Variants in CPB2 observed in about 807,000 individuals in gnomAD.
CPB2 encodes carboxypeptidase B-like protein.
Under a neutral mutation model 57.0 loss-of-function variants are expected in CPB2, and 54 were observed. The observed-to-expected ratio is 0.95, with a 90% CI of 0.76 to 1.19. The LOEUF is 1.19. Among genes scored for constraint, CPB2 ranks in the 50% most tolerant of loss-of-function variants. The pLI, the probability that CPB2 is intolerant of heterozygous loss-of-function variation, is 0.00. For missense variants in CPB2, 426 were observed against 512.0 expected (o/e 0.83, Z 1.62); for synonymous variants, 189 against 178.1 (o/e 1.06, Z -0.49).
Position 46,073,894 on chromosome 13 carries a change from G to A in CPB2, c.570C>T (p.Phe190=). 6.4e-7 allele frequency: 1 copy of A among 1,570,860 alleles called. No homozygotes were observed. Among genetic ancestry groups the A allele is most frequent in the Non-Finnish European group, 8.7e-7 (1 of 1,147,620 alleles). Residue 190 remains phenylalanine (F), a synonymous_variant, in exon 6 of 11, where the codon TTC becomes TTT. Coordinates refer to ENST00000181383, the MANE Select transcript of CPB2 (RefSeq NM_001872.5). ...IHAREWISPA[F]CLWFIGHITQ... ...TTACATGGCCTATGAACCACAAGCA[G>A]AAAGCAGGAGAGATCCATTCTCTGG...
intron 9 of CPB2, among the ~76,000 whole-genome samples, chr13:46,057,844 C>A (rs971460014): frequency 6.6e-6 from 1 of 152,218 alleles, no homozygotes; most frequent in Non-Finnish European, 1.5e-5. Context: ...ACAAAGCTGT[C>A]GCATGATTCC....
Position 46,073,995 on chromosome 13 carries a change from A to C in CPB2, c.487-18T>G, listed in dbSNP as rs749518824. ...CCAGAAACCTGCTCAAAGAAACCCC[A>C]AAAGTAGCAAAAACAGTAACAATAA... On this transcript the variant is annotated intron_variant, in intron 5 of 10. Transcript: ENST00000181383. 1 of 1,453,818 alleles carries C rather than the reference A, an allele frequency of 6.9e-7. No homozygotes were observed. The highest frequency in any genetic ancestry group is 2.3e-5 in the East Asian group (1 of 43,442). The allele number at this position is 1,453,818 out of a possible 1,614,324, so 90.1% of individuals were successfully genotyped here. A position where few individuals can be genotyped will look rare whatever the true frequency, so the allele number is the denominator to read the frequency against.
In CPB2 at chr13:46,058,239, G is replaced by A. The variant is rs185905588; in HGVS notation, c.939C>T (p.Ser313=). 75 of 1,614,026 alleles carry A rather than the reference G, an allele frequency of 4.6e-5. No homozygotes were observed. The East Asian group carries it at 1.6e-3, about 34-fold the overall frequency. Residue 313 remains serine (S), a synonymous_variant, in exon 9 of 11, where the codon TCC becomes TCT. Transcript: ENST00000181383. ...IKAYISMHSY[S]QHIVFPYSYT... is the part of the protein sequence containing the mutation. ...AGGAATATGGAAACACTATATGCTGGGAGTATGAATGCATGCTGATGTATG... is the reference window on the plus strand; with the variant it reads ...AGGAATATGGAAACACTATATGCTGAGAGTATGAATGCATGCTGATGTATG...
At chr13:46,074,971 T>C (rs981976823) in intron 5 of CPB2, among the ~76,000 whole-genome samples, 2 of 152,228 alleles carry the variant, frequency 1.3e-5, no homozygotes, top group African/African-American at 4.8e-5. Context: ...CGCTGGCTAT[T>C]CATCTCCAGT....
At chr13:46,094,693 A>G (rs964317525) in intron 1 of CPB2, among the ~76,000 whole-genome samples, 1 of 152,138 alleles carries the variant, frequency 6.6e-6, no homozygotes, top group Non-Finnish European at 1.5e-5. Context: ...AAAATTGTGG[A>G]GTCGGTTAGG....
At chr13:46,084,462 G>T (rs2045169475) in intron 2 of CPB2, 119 bp from the exon 3 acceptor site, 1 of 1,037,640 alleles carries the variant, frequency 9.6e-7, no homozygotes, top group Non-Finnish European at 1.4e-6. Context: ...ACTCCCTGGT[G>T]CTGGTCCCCA....
chr13:46,079,535 C>CAAAAAAAAAAAAAAAAAAAGAAAAAAAA (rs2045075859), intron 4 of CPB2, among the ~76,000 whole-genome samples: 3 of 111,010 alleles, frequency 2.7e-5, no homozygotes, highest in Non-Finnish European at 3.6e-5. Context: ...AAGGAAAAAG[C>CAAAAAAAAAAAAAAAAAAAGAAAAAAAA]AAAAAAAAAA....
intron 7 of CPB2, among the ~76,000 whole-genome samples, chr13:46,065,833 G>A (rs979194969): frequency 6.6e-6 from 1 of 152,026 alleles, no homozygotes; most frequent in Non-Finnish European, 1.5e-5. Flanking sequence ...ATAGGGTAAT[G>A]ATACAAAGAA....
chr13:46,089,068 ACTT>A (rs1478806355), intron 1 of CPB2, among the ~76,000 whole-genome samples: 2 of 151,412 alleles, frequency 1.3e-5, no homozygotes, highest in African/African-American at 2.4e-5. Context: ...ATTCTCATAT[ACTT>A]CTTCTGTCCT....
At chr13:46,060,632 C>G (rs2044758801) in intron 8 of CPB2, among the ~76,000 whole-genome samples, 1 of 152,104 alleles carries the variant, frequency 6.6e-6, no homozygotes, top group African/African-American at 2.4e-5. Flanking sequence ...GTATTTAACA[C>G]TCAGTGTATG....
At chr13:46,090,180 G>C (rs2045270706) in intron 1 of CPB2, among the ~76,000 whole-genome samples, 2 of 150,714 alleles carry the variant, frequency 1.3e-5, no homozygotes, top group Admixed American at 1.3e-4. Context: ...CAAGCCTCTT[G>C]TCTTGATCCT....
At chr13:46,063,023 C>T (rs2044797874) in intron 8 of CPB2, among the ~76,000 whole-genome samples, 1 of 152,044 alleles carries the variant, frequency 6.6e-6, no homozygotes, top group African/African-American at 2.4e-5. Context: ...CCTTATGGGC[C>T]CCATGGAGCC....
intron 1 of CPB2, among the ~76,000 whole-genome samples, chr13:46,093,672 G>A (rs1222990074): frequency 6.6e-6 from 1 of 152,140 alleles, no homozygotes; most frequent in Non-Finnish European, 1.5e-5. Context: ...AAAATTATAT[G>A]TGTTAAAATC....
chr13:46,104,776 T>C (rs2045473851), intron 1 of CPB2, among the ~76,000 whole-genome samples, 160 bp downstream of exon 1: 1 of 152,228 alleles, frequency 6.6e-6, no homozygotes, highest in African/African-American at 2.4e-5. Context: ...CCCATTGTGC[T>C]AAAGTCTACT....
At chr13:46,063,676 G>GTA (rs1464565285) in intron 8 of CPB2, among the ~76,000 whole-genome samples, 2 of 152,076 alleles carry the variant, frequency 1.3e-5, no homozygotes, top group African/African-American at 4.8e-5. Flanking sequence ...TTTCCTATGA[G>GTA]TATATACTCA....
intron 4 of CPB2, 92 bp downstream of exon 4, chr13:46,082,349 C>A: frequency 1.4e-6 from 1 of 709,770 alleles, no homozygotes. Context: ...TACCATCTTC[C>A]ACCAATTATG....
chr13:46,078,320 A>G (rs1566407713), intron 5 of CPB2, among the ~76,000 whole-genome samples: 1 of 152,062 alleles, frequency 6.6e-6, no homozygotes, highest in Non-Finnish European at 1.5e-5. Flanking sequence ...TTTGTCCCCT[A>G]ACAGAAATAG....
At chr13:46,094,450 G>A (rs2045337508) in intron 1 of CPB2, among the ~76,000 whole-genome samples, 1 of 152,150 alleles carries the variant, frequency 6.6e-6, no homozygotes, top group Non-Finnish European at 1.5e-5. Flanking sequence ...AGCTTATGTT[G>A]TGACTACCCT....
chr13:46,077,240 A>G (rs1182317157), intron 5 of CPB2, among the ~76,000 whole-genome samples: 1 of 152,178 alleles, frequency 6.6e-6, no homozygotes, highest in Non-Finnish European at 1.5e-5. Flanking sequence ...AAAACAAATA[A>G]TCCAATTTTA....
Sources: gnomAD v4.1 joint callset for allele counts (sites outside exome capture counted in the v4.1 genomes callset) on GRCh38, gnomAD v4.1.1 for gene constraint, MANE v1.5 for transcripts, NCBI Gene and HGNC (gene_info 2026-07-23, HGNC 2026-07-21) for gene names.